The following ARK2C variants were observed in gnomAD, a reference collection of about 807,000 sequenced individuals.
ARK2C encodes the protein E3 ubiquitin-protein ligase ARK2C.
chr18:46,409,566 T>C, the ARK2C span, among the ~76,000 whole-genome samples: 4 of 151,804 alleles, frequency 2.6e-5, no homozygotes, highest in African/African-American at 9.7e-5. Flanking sequence ...TGTGGGCTCC[T>C]GGCCACATCT....
the ARK2C span, among the ~76,000 whole-genome samples, chr18:46,360,755 C>T: frequency 5.3e-5 from 8 of 152,338 alleles, no homozygotes; most frequent in Middle Eastern, 3.4e-3. Flanking sequence ...CCCTCTAATA[C>T]GCCTGGGCAC....
At chr18:46,376,819 C>T in the ARK2C span, among the ~76,000 whole-genome samples, 2 of 152,006 alleles carry the variant, frequency 1.3e-5, no homozygotes, top group African/African-American at 4.8e-5. Context: ...TACAGGCACG[C>T]ACCACCATGC....
At chr18:46,415,208 C>CTCA in the ARK2C span, among the ~76,000 whole-genome samples, 2 of 152,186 alleles carry the variant, frequency 1.3e-5, no homozygotes, top group African/African-American at 2.4e-5. Flanking sequence ...AGCCCCAAGG[C>CTCA]AGTGACCTTA....
At chr18:46,347,501 G>A in the ARK2C span, among the ~76,000 whole-genome samples, 1 of 152,102 alleles carries the variant, frequency 6.6e-6, no homozygotes, top group African/African-American at 2.4e-5. Flanking sequence ...TGGGGGCTTC[G>A]TGTCCTCCCT....
chr18:46,373,302 G>C, the ARK2C span, among the ~76,000 whole-genome samples: 1 of 152,230 alleles, frequency 6.6e-6, no homozygotes. Flanking sequence ...TTTCCTCAGA[G>C]CTTGCCCAGT....
the ARK2C span, among the ~76,000 whole-genome samples, chr18:46,373,456 C>T: frequency 6.6e-6 from 1 of 152,228 alleles, no homozygotes; most frequent in African/African-American, 2.4e-5. Flanking sequence ...CCACAGTATC[C>T]TGCTGTGGAA....
At chr18:46,457,315 G>A in the ARK2C span, 2 of 151,980 alleles carry the variant, frequency 1.3e-5, no homozygotes, top group South Asian at 2.1e-4. Flanking sequence ...GGAGGCGGGA[G>A]GGGGGGGTTC....
chr18:46,450,440 T>A, the ARK2C span: 2 of 1,405,858 alleles, frequency 1.4e-6, no homozygotes, highest in Non-Finnish European at 2.0e-6. Context: ...TTGGTGGAGA[T>A]GCCATTATTG....
the ARK2C span, among the ~76,000 whole-genome samples, chr18:46,357,808 G>C: frequency 6.6e-6 from 1 of 152,250 alleles, no homozygotes; most frequent in South Asian, 2.1e-4. Flanking sequence ...TTCTCTGACA[G>C]TGCTGGAGGC....
chr18:46,415,921 G>A, the ARK2C span, among the ~76,000 whole-genome samples: 1 of 152,120 alleles, frequency 6.6e-6, no homozygotes, highest in East Asian at 1.9e-4. Context: ...GGTAAGCAGG[G>A]AGGCAGAAAA....
chr18:46,446,705 A>G, the ARK2C span, among the ~76,000 whole-genome samples: 4 of 151,580 alleles, frequency 2.6e-5, no homozygotes, highest in Admixed American at 1.3e-4. Context: ...GGAAAAGAAA[A>G]AAAAAAAGAA....
chr18:46,410,467 CTG>C, the ARK2C span, among the ~76,000 whole-genome samples: 5 of 152,222 alleles, frequency 3.3e-5, no homozygotes, highest in Admixed American at 6.5e-5. Context: ...GGCTGTGAGA[CTG>C]AGGGGCAAAC....
the ARK2C span, among the ~76,000 whole-genome samples, chr18:46,452,408 C>T: frequency 1.3e-5 from 2 of 152,032 alleles, no homozygotes; most frequent in African/African-American, 4.8e-5. Flanking sequence ...GCCTCCCAAG[C>T]AGCTGGGATT....
the ARK2C span, chr18:46,336,279 C>T: frequency 1.9e-5 from 19 of 985,210 alleles, no homozygotes; most frequent in Non-Finnish European, 2.3e-5. Context: ...TACCACCAAT[C>T]TCTAAATACC....
the ARK2C span, among the ~76,000 whole-genome samples, chr18:46,423,134 A>C: frequency 6.6e-6 from 1 of 152,202 alleles, no homozygotes. Flanking sequence ...AACCCTGTGA[A>C]ATGCAAGCCC....
chr18:46,434,684 G>T, the ARK2C span, among the ~76,000 whole-genome samples: 15 of 152,316 alleles, frequency 9.8e-5, no homozygotes, highest in African/African-American at 3.6e-4. Context: ...TTTCAGAACT[G>T]CTGGACTAGA....
chr18:46,426,358 T>A, the ARK2C span, among the ~76,000 whole-genome samples: 1 of 152,170 alleles, frequency 6.6e-6, no homozygotes, highest in South Asian at 2.1e-4. Context: ...CCCACTGATC[T>A]CTGCTTCTCC....
chr18:46,376,164 G>C, the ARK2C span, among the ~76,000 whole-genome samples: 1 of 152,190 alleles, frequency 6.6e-6, no homozygotes, highest in African/African-American at 2.4e-5. Context: ...CCCCTGGCTT[G>C]TTAACAGCCT....
the ARK2C span, among the ~76,000 whole-genome samples, chr18:46,377,549 C>A: frequency 6.6e-6 from 1 of 152,050 alleles, no homozygotes; most frequent in Non-Finnish European, 1.5e-5. Flanking sequence ...TGAAGGGCAG[C>A]AGAGCAGTAT....
Sources: gnomAD v4.1 joint callset for allele counts (sites outside exome capture counted in the v4.1 genomes callset) on GRCh38, gnomAD v4.1.1 for gene constraint, MANE v1.5 for transcripts, NCBI Gene and HGNC (gene_info 2026-07-23, HGNC 2026-07-21) for gene names.